The following RAMP1 variants were observed in gnomAD, a reference collection of about 807,000 sequenced individuals.
RAMP1 encodes the protein receptor activity-modifying protein 1.
RAMP1 carries 7 observed loss-of-function variants against 8.2 expected under a neutral mutation model. That is an observed-to-expected ratio of 0.85 (90% CI 0.49 to 1.60). The LOEUF is 1.60. Ranked by LOEUF, RAMP1 falls within the 40% of genes most tolerant of loss-of-function variation. The pLI, the probability that RAMP1 is intolerant of heterozygous loss-of-function variation, is 0.00. For synonymous variants in RAMP1, 92 were observed against 84.7 expected (o/e 1.09, Z -0.47); for missense variants, 192 against 202.4 (o/e 0.95, Z 0.31).
intron 1 of RAMP1, among the ~76,000 whole-genome samples, chr2:237,871,922 T>C (rs1395916104): frequency 6.6e-6 from 1 of 152,232 alleles, no homozygotes; most frequent in Non-Finnish European, 1.5e-5. Context: ...GTGAATTTAC[T>C]AACAATCATT....
chr2:237,907,043 T>C (rs1418578668), intron 2 of RAMP1, among the ~76,000 whole-genome samples: 1 of 152,154 alleles, frequency 6.6e-6, no homozygotes, highest in Middle Eastern at 3.2e-3. Flanking sequence ...TTTCAAAAGG[T>C]ATTTTTTTCT....
At chr2:237,863,959 C>T (rs1347288831) in intron 1 of RAMP1, among the ~76,000 whole-genome samples, 1 of 152,100 alleles carries the variant, frequency 6.6e-6, no homozygotes, top group East Asian at 1.9e-4. Flanking sequence ...CTCCCAGAAC[C>T]CCCACCCCAC....
rs2062113723 is a variant in RAMP1 at position 237,859,740 on chromosome 2, AGGGGTCCC to A, written c.52+16_52+23del. On this transcript the variant is annotated intron_variant, in intron 1 of 2. Transcript: ENST00000254661. ...TGGCTGCTCCTGGGTGAGTAGGTCC[AGGGGTCCC>A]GGCCGAGCTCCCTTCCCCTGGCCAG... The A allele has an allele frequency of 6.7e-7, 1 of 1,492,986 alleles. No individual in the cohort carries two copies. The highest frequency in any genetic ancestry group is 1.5e-5 in the African/African-American group (1 of 68,522). 92.5% of individuals were successfully genotyped at this position (1,492,986 alleles called of 1,614,324 possible).
chr2:237,869,723 G>C (rs2062226094), intron 1 of RAMP1, among the ~76,000 whole-genome samples: 1 of 152,204 alleles, frequency 6.6e-6, no homozygotes, highest in South Asian at 2.1e-4. Flanking sequence ...TGTGAACATG[G>C]GTGTTCAGAT....
chr2:237,874,335 T>C (rs1303717163), intron 1 of RAMP1, among the ~76,000 whole-genome samples: 1 of 152,232 alleles, frequency 6.6e-6, no homozygotes, highest in African/African-American at 2.4e-5. Context: ...TGCACCTGCA[T>C]TCGCTTCACT....
intron 2 of RAMP1, among the ~76,000 whole-genome samples, chr2:237,897,784 G>A (rs1173460518): frequency 6.8e-6 from 1 of 146,950 alleles, no homozygotes; most frequent in African/African-American, 2.5e-5. Context: ...TTTTGGGGGG[G>A]GGTTTTGTTT....
chr2:237,868,313 G>A (rs2062209988), intron 1 of RAMP1, among the ~76,000 whole-genome samples: 1 of 151,976 alleles, frequency 6.6e-6, no homozygotes, highest in African/African-American at 2.4e-5. Context: ...CAAAGTGCTG[G>A]GATTACAGGC....
chr2:237,891,198 GA>G (rs68094924), intron 2 of RAMP1, among the ~76,000 whole-genome samples: 97,740 of 149,222 alleles, frequency 0.65, 32,266 homozygotes, highest in African/African-American at 0.77. Context: ...CACCCAGAGT[GA>G]GGGTGCAGTG....
rs1393419595 is a variant in RAMP1, at chr2:237,859,660, G to C, written c.-16G>C. 1.6e-5 allele frequency: 24 copies of C among 1,467,730 alleles called. No individual in the cohort carries two copies. The highest frequency in any genetic ancestry group is 9.3e-5 in the South Asian group (7 of 75,024). 90.9% of individuals were successfully genotyped at this position (1,467,730 alleles called of 1,614,324 possible). A position where few individuals can be genotyped will look rare whatever the true frequency, so the allele number is the denominator to read the frequency against. ...GGCGCGTGGCGAGCGGACTCGACTC[G>C]GCACCGCTGTGCACCATGGCCCGGG... On this transcript the variant is annotated 5_prime_UTR_variant, in exon 1 of 3. Coordinates refer to ENST00000254661, the MANE Select transcript of RAMP1 (RefSeq NM_005855.4).
At chr2:237,879,934 G>A (rs1307935391) in intron 2 of RAMP1, among the ~76,000 whole-genome samples, 1 of 144,684 alleles carries the variant, frequency 6.9e-6, no homozygotes, top group East Asian at 2.1e-4. Context: ...AGGTTGCCGT[G>A]AGCCGAGATG....
intron 2 of RAMP1, among the ~76,000 whole-genome samples, chr2:237,891,135 GT>G (rs1022278370): frequency 1.3e-5 from 2 of 151,198 alleles, no homozygotes; most frequent in African/African-American, 4.9e-5. Context: ...TGATATGTCA[GT>G]TTTTTTCATT....
intron 1 of RAMP1, among the ~76,000 whole-genome samples, chr2:237,868,225 G>A (rs2062209259): frequency 6.6e-6 from 1 of 151,982 alleles, no homozygotes; most frequent in African/African-American, 2.4e-5. Context: ...TGTATTTTTA[G>A]TAGAGATAGG....
intron 2 of RAMP1, among the ~76,000 whole-genome samples, chr2:237,883,120 C>T (rs374032961): frequency 5.3e-5 from 8 of 152,142 alleles, no homozygotes; most frequent in African/African-American, 1.7e-4. Context: ...ACCAGGCTGG[C>T]ATGGAGGCCA....
Position 237,912,005 on chromosome 2 carries a change from C to T in RAMP1, c.*222C>T, listed in dbSNP as rs115417192. The T allele has an allele frequency of 4.2e-4, 299 of 716,664 alleles. No individual in the cohort carries two copies. The African/African-American group carries it at 4.5e-3, about 11-fold the overall frequency. The allele number at this position is 716,664 out of a possible 1,614,324, so 44.4% of individuals were successfully genotyped here. On this transcript the variant is annotated 3_prime_UTR_variant, in exon 3 of 3. Transcript: ENST00000254661. ...CGCCACCCTAGGAAGGGGGCAGGGACGTGACCTTGACTTACCTCTGGAAAG... is the reference window on the plus strand; with the variant it reads ...CGCCACCCTAGGAAGGGGGCAGGGATGTGACCTTGACTTACCTCTGGAAAG...
At chr2:237,867,643 G>A (rs1470939779) in intron 1 of RAMP1, among the ~76,000 whole-genome samples, 1 of 152,228 alleles carries the variant, frequency 6.6e-6, no homozygotes, top group African/African-American at 2.4e-5. Context: ...GCGAGGCTGT[G>A]ACACAGGAGA....
intron 1 of RAMP1, among the ~76,000 whole-genome samples, chr2:237,863,675 T>C (rs1008922673): frequency 6.6e-6 from 1 of 152,104 alleles, no homozygotes; most frequent in Admixed American, 6.5e-5. Flanking sequence ...TGGGTGGCTT[T>C]GTTGGAGCAG....
At chr2:237,879,267 A>C (rs2062340977) in intron 2 of RAMP1, among the ~76,000 whole-genome samples, 1 of 151,482 alleles carries the variant, frequency 6.6e-6, no homozygotes, top group Non-Finnish European at 1.5e-5. Context: ...TGTGAACGGG[A>C]GGCCTGGCAG....
intron 2 of RAMP1, among the ~76,000 whole-genome samples, chr2:237,898,904 C>T (rs1317037721): frequency 2.0e-5 from 3 of 152,212 alleles, no homozygotes; most frequent in Admixed American, 6.5e-5. Context: ...GGAAAGGTCC[C>T]GCTATTCACA....
At chr2:237,896,923 G>T (rs1435338260) in intron 2 of RAMP1, among the ~76,000 whole-genome samples, 1 of 152,186 alleles carries the variant, frequency 6.6e-6, no homozygotes, top group African/African-American at 2.4e-5. Context: ...TGCTGGGGTT[G>T]CAGGCGTGAG....
Sources: gnomAD v4.1 joint callset for allele counts (sites outside exome capture counted in the v4.1 genomes callset) on GRCh38, gnomAD v4.1.1 for gene constraint, MANE v1.5 for transcripts, NCBI Gene and HGNC (gene_info 2026-07-23, HGNC 2026-07-21) for gene names.